The following NAT10 variants were observed in gnomAD, a reference collection of about 807,000 sequenced individuals.
NAT10 encodes the protein RNA cytidine acetyltransferase.
In NAT10, 109 loss-of-function variants were observed where a neutral mutation model predicts 132.2. The ratio of observed to expected loss-of-function variants is 0.82; its 90% CI spans 0.71 to 0.97. NAT10 has a LOEUF of 0.97. Among genes scored for constraint, NAT10 ranks in the 50% least tolerant of loss-of-function variants. The probability of loss-of-function intolerance (pLI) is 0.00; values close to 1 mark genes in which losing one functional copy is unlikely to be tolerated. For synonymous variants in NAT10, 479 were observed against 478.0 expected, an observed-to-expected ratio of 1.00 and a Z score of -0.03; for missense variants, 1,184 against 1,263.4, an observed-to-expected ratio of 0.94 and a Z score of 0.95.
intron 10 of NAT10, among the ~76,000 whole-genome samples, 199 bp downstream of exon 10, chr11:34,124,054 A>G (rs1049253086): frequency 2.6e-5 from 4 of 152,170 alleles, no homozygotes; most frequent in African/African-American, 9.7e-5. Context: ...CTGTAATCCC[A>G]GCTACTTGGG....
At chr11:34,140,692 G>T in intron 24 of NAT10, 120 bp downstream of exon 24, 1 of 1,146,148 alleles carries the variant, frequency 8.7e-7, no homozygotes. Context: ...ACATCTGATA[G>T]GTGGGTAGTG....
Position 34,112,051 on chromosome 11 carries a change from G to C in NAT10, c.201-1G>C. The stretch of plus-strand genomic sequence containing the variant: ...ATGGGATTGGGGGTGTGTGATTGCA[G>C]TCACCGGAAGAAAAGAATGCGACAG... On this transcript the variant is annotated splice_acceptor_variant, in intron 3 of 28. Transcript: ENST00000257829. LOFTEE classifies it high-confidence loss of function. The C allele has an allele frequency of 6.2e-7, 1 of 1,614,104 alleles. No homozygotes were observed. The highest frequency in any genetic ancestry group is 8.5e-7 in the Non-Finnish European group (1 of 1,179,978).
At chr11:34,107,742 A>G (rs1851619995) in intron 1 of NAT10, among the ~76,000 whole-genome samples, 4 of 152,262 alleles carry the variant, frequency 2.6e-5, no homozygotes, top group Admixed American at 2.6e-4. Flanking sequence ...CCTGGCCAAC[A>G]TATGCGCCTG....
chr11:34,140,392 A>C lies in NAT10; in HGVS notation c.2420-8A>C. ...CCTAACCTGTCTAGCTCTCTATCCCATGGACAGCCCTGAGCCGGGAGGAGC... is the reference window on the plus strand; with the variant it reads ...CCTAACCTGTCTAGCTCTCTATCCCCTGGACAGCCCTGAGCCGGGAGGAGC... On this transcript the variant is annotated splice_polypyrimidine_tract_variant and splice_region_variant and intron_variant, in intron 23 of 28. Transcript: ENST00000257829. 6.2e-7 allele frequency: 1 copy of C among 1,611,174 alleles called. No homozygotes were observed.
intron 19 of NAT10, among the ~76,000 whole-genome samples, chr11:34,136,367 C>T (rs1029660931): frequency 2.6e-5 from 4 of 152,222 alleles, no homozygotes; most frequent in Non-Finnish European, 4.4e-5. Flanking sequence ...CAGGCATGAG[C>T]CACCACTCCC....
chr11:34,112,399 C>G (rs1048807346), intron 4 of NAT10, among the ~76,000 whole-genome samples, 176 bp downstream of exon 4: 11 of 152,280 alleles, frequency 7.2e-5, no homozygotes, highest in African/African-American at 2.6e-4. Context: ...GGTCACCTAC[C>G]CCATATAAAA....
At chr11:34,129,046 T>C (rs1219842926) in intron 12 of NAT10, among the ~76,000 whole-genome samples, 1 of 152,248 alleles carries the variant, frequency 6.6e-6, no homozygotes, top group African/African-American at 2.4e-5. Context: ...CATTTATCTG[T>C]TGGTGGACAT....
intron 12 of NAT10, among the ~76,000 whole-genome samples, chr11:34,128,242 T>G (rs1852036506): frequency 6.6e-6 from 1 of 151,688 alleles, no homozygotes; most frequent in African/African-American, 2.4e-5. Context: ...TAATCCCAGC[T>G]ACTCTGGAGG....
intron 6 of NAT10, 51 bp from the exon 7 acceptor site, chr11:34,118,129 A>G (rs1851816611): frequency 7.1e-7 from 1 of 1,410,144 alleles, no homozygotes; most frequent in East Asian, 2.3e-5. Flanking sequence ...TACTCTGTAT[A>G]GACATTGCAT....
chr11:34,116,482 G>A (rs1041528741), intron 6 of NAT10, among the ~76,000 whole-genome samples: 1 of 151,972 alleles, frequency 6.6e-6, no homozygotes, highest in East Asian at 1.9e-4. Context: ...GTAGTGGTGC[G>A]ATTTTGGCTC....
At position 34,105,719 on chromosome 11, in the gene NAT10, C is replaced by T. The variant is rs1167571321; in HGVS notation, c.-89C>T. 6.6e-6 allele frequency: 1 copy of T among 152,384 alleles called. No homozygotes were observed. The highest frequency in any genetic ancestry group is 1.5e-5 in the Non-Finnish European group (1 of 68,124). 9.4% of individuals were successfully genotyped at this position (152,384 alleles called of 1,614,324 possible). A position where few individuals can be genotyped will look rare whatever the true frequency, so the allele number is the denominator to read the frequency against. ...CTAGGGGCAGTCAGCTGTGCCTTCTCTTTCGGAGTTGTTCCGTGCTCCCAC... is the reference window on the plus strand; with the variant it reads ...CTAGGGGCAGTCAGCTGTGCCTTCTTTTTCGGAGTTGTTCCGTGCTCCCAC... On this transcript the variant is annotated 5_prime_UTR_variant, in exon 1 of 29. Transcript: ENST00000257829.
Position 34,141,370 on chromosome 11 carries a change from G to A in NAT10, c.2712+162G>A, listed in dbSNP as rs1014794329. The stretch of plus-strand genomic sequence containing the variant: ...ACAAATCCAGGACTTCAGAACACAT[G>A]TTAGCATTTAGCTGTGTTTGCTGCA... On this transcript the variant is annotated intron_variant, in intron 25 of 28. Transcript: ENST00000257829. 8.1e-5 allele frequency among the ~76,000 whole-genome samples: 12 copies of A among 148,844 alleles called. 1 individual carries two copies. The highest frequency in any genetic ancestry group is 3.2e-3 in the Middle Eastern group (1 of 308).
In NAT10 at chr11:34,122,483, G is replaced by A. The variant is rs1052004026; in HGVS notation, c.805G>A (p.Glu269Lys). The A allele has an allele frequency of 7.4e-6, 12 of 1,614,000 alleles. No homozygotes were observed. The highest frequency in any genetic ancestry group is 2.7e-5 in the African/African-American group (2 of 74,904). Reference protein sequence around the residue: ...DQAKAVLKFIEGISEKTLRST... With the variant: ...DQAKAVLKFIKGISEKTLRST... ...GGCCAAAGCTGTCTTGAAATTTATC[G>A]AGGGCATCTCTGAAAAGACCCTGAG... Residue 269 changes from glutamate (E) to lysine (K), a missense_variant, in exon 9 of 29, where the codon GAG (glutamate) becomes AAG (lysine). Glu to Lys is a moderately conservative substitution (Grantham distance 56, BLOSUM62 1). Coordinates refer to ENST00000257829, the MANE Select transcript of NAT10 (RefSeq NM_024662.3).
intron 4 of NAT10, among the ~76,000 whole-genome samples, chr11:34,113,074 A>C (rs768866648): frequency 2.6e-4 from 40 of 152,200 alleles, no homozygotes; most frequent in Non-Finnish European, 5.6e-4. Flanking sequence ...ACCTTTACTC[A>C]GGGAAATGCC....
intron 8 of NAT10, 65 bp from the exon 9 acceptor site, chr11:34,122,394 T>C (rs1382205998): frequency 2.5e-6 from 4 of 1,597,548 alleles, no homozygotes; most frequent in Non-Finnish European, 3.4e-6. Context: ...TCCACAGTGA[T>C]GGTGATGAAT....
chr11:34,117,026 C>T (rs753727000), intron 6 of NAT10, among the ~76,000 whole-genome samples: 1 of 152,060 alleles, frequency 6.6e-6, no homozygotes, highest in Non-Finnish European at 1.5e-5. Context: ...CCACCGTGCC[C>T]GATCATAGAA....
intron 21 of NAT10, among the ~76,000 whole-genome samples, chr11:34,137,323 A>G (rs1403202741): frequency 6.6e-6 from 1 of 152,236 alleles, no homozygotes; most frequent in African/African-American, 2.4e-5. Context: ...AGGAGGATCA[A>G]GGGTAATTCC....
chr11:34,143,603 A>G (rs1202942740), intron 28 of NAT10, 75 bp downstream of exon 28: 2 of 1,360,198 alleles, frequency 1.5e-6, no homozygotes, highest in Non-Finnish European at 2.0e-6. Context: ...AACTTTGACT[A>G]GAAAATAGGA....
rs1851775238 is a variant in NAT10 at position 34,115,882 on chromosome 11, A to G, written c.555A>G (p.Glu185=). 1.2e-6 allele frequency: 2 copies of G among 1,614,100 alleles called. No homozygotes were observed. Among genetic ancestry groups the G allele is most frequent in the Non-Finnish European group, 1.7e-6 (2 of 1,179,954 alleles). ...AHQDVVGRFN[E]RFILSLASCK... is the part of the protein sequence containing the mutation. ...AGGATGTGGTGGGAAGATTTAATGA[A>G]AGGTAATTCTATAGTTCCCCCCAAT... The change falls in exon 6 of 29, where the codon GAA becomes GAG. Residue 185 remains glutamate (E), a splice_region_variant and synonymous_variant. Coordinates refer to ENST00000257829, the MANE Select transcript of NAT10 (RefSeq NM_024662.3).
Sources: allele counts gnomAD v4.1 joint callset (sites outside exome capture counted in the v4.1 genomes callset), GRCh38; gene constraint gnomAD v4.1.1; transcripts MANE v1.5; gene names NCBI Gene and HGNC (gene_info 2026-07-23, HGNC 2026-07-21).